The following TMEM260 variants were observed in gnomAD, a reference collection of about 807,000 sequenced individuals.
TMEM260 encodes protein O-mannosyl-transferase TMEM260.
Under a neutral mutation model 88.9 loss-of-function variants are expected in TMEM260, and 82 were observed. The observed-to-expected ratio is 0.92, with a 90% CI of 0.77 to 1.11. The LOEUF (loss-of-function observed/expected upper bound fraction) is 1.11, where lower values mean the gene tolerates loss of function less well. Among genes scored for constraint, TMEM260 ranks in the 50% least tolerant of loss-of-function variants. The pLI is 0.00. For missense variants in TMEM260, 902 were observed against 853.4 expected (o/e 1.06, Z -0.71); for synonymous variants, 314 against 309.3 (o/e 1.02, Z -0.16).
downstream of TMEM260, among the ~76,000 whole-genome samples, chr14:56,653,742 A>C (rs200335950): frequency 3.0e-5 from 2 of 65,802 alleles, no homozygotes; most frequent in African/African-American, 6.7e-5. Context: ...TCTCCAAAAC[A>C]AAAAAAAAAA....
intron 12 of TMEM260, among the ~76,000 whole-genome samples, chr14:56,631,592 C>T (rs926197296): frequency 6.8e-6 from 1 of 147,034 alleles, no homozygotes; most frequent in Admixed American, 6.9e-5. Flanking sequence ...CACTGCACTC[C>T]ATCCTGGGCT....
In TMEM260 at chr14:56,603,781, G is replaced by A. The variant is rs553010886; in HGVS notation, c.345-34G>A. On this transcript the variant is annotated intron_variant, in intron 3 of 15. Coordinates refer to ENST00000261556, the MANE Select transcript of TMEM260 (RefSeq NM_017799.4). ...GAAAATAAAGTTAGTTCTTTTTGTT[G>A]GAAAAGAAGATTTCATGTTATCTGT... 5.0e-6 allele frequency: 8 copies of A among 1,611,930 alleles called. No individual in the cohort carries two copies. In the East Asian group the frequency reaches 6.7e-5, roughly 13 times the overall value.
intron 15 of TMEM260, among the ~76,000 whole-genome samples, chr14:56,644,898 C>A (rs1174628908): frequency 6.6e-6 from 1 of 152,186 alleles, no homozygotes; most frequent in African/African-American, 2.4e-5. Context: ...AAAAGATGCT[C>A]ATCATCACTG....
At chr14:56,589,968 A>G (rs141727127) in intron 3 of TMEM260, among the ~76,000 whole-genome samples, 231 of 152,314 alleles carry the variant, frequency 1.5e-3, no homozygotes, top group Non-Finnish European at 2.7e-3. Context: ...GATTATTGCC[A>G]TAGAGAATAA....
intron 15 of TMEM260, among the ~76,000 whole-genome samples, chr14:56,644,411 C>T (rs533333708): frequency 2.0e-5 from 3 of 152,228 alleles, no homozygotes; most frequent in Non-Finnish European, 4.4e-5. Flanking sequence ...GGAAAGGATT[C>T]CCTATTTAAT....
chr14:56,587,364 A>G (rs1423715506), intron 3 of TMEM260, among the ~76,000 whole-genome samples: 3 of 151,992 alleles, frequency 2.0e-5, no homozygotes, highest in Non-Finnish European at 2.9e-5. Context: ...ATGTTTTTCA[A>G]CATTATTAAT....
chr14:56,646,273 A>C, intron 15 of TMEM260, among the ~76,000 whole-genome samples: 1 of 152,356 alleles, frequency 6.6e-6, no homozygotes, highest in Non-Finnish European at 1.5e-5. Context: ...GAATTGGAAA[A>C]ATAGATAATA....
the TMEM260 span, among the ~76,000 whole-genome samples, chr14:56,658,455 C>T: frequency 6.6e-6 from 1 of 151,894 alleles, no homozygotes; most frequent in African/African-American, 2.4e-5. Context: ...CCATGTTAGC[C>T]AGGCTGGTCT....
chr14:56,632,560 G>A (rs1025390664), intron 12 of TMEM260, among the ~76,000 whole-genome samples: 23 of 140,728 alleles, frequency 1.6e-4, no homozygotes, highest in African/African-American at 5.5e-4. Context: ...AAAATGGGGG[G>A]ACTTTTCTTG....
intron 12 of TMEM260, among the ~76,000 whole-genome samples, chr14:56,627,837 AC>A (rs949364407): frequency 2.0e-5 from 3 of 149,378 alleles, no homozygotes; most frequent in Non-Finnish European, 3.0e-5. Flanking sequence ...CATTTGTGTA[AC>A]CACCACAACA....
At chr14:56,652,372 C>T (rs1302068265), downstream of TMEM260, among the ~76,000 whole-genome samples, 2 of 151,948 alleles carry the variant, frequency 1.3e-5, no homozygotes, top group South Asian at 2.1e-4. Flanking sequence ...GTGGCATGCA[C>T]CTGTGGTTCC....
At chr14:56,655,224 T>C (rs1406892993), downstream of TMEM260, among the ~76,000 whole-genome samples, 1 of 151,992 alleles carries the variant, frequency 6.6e-6, no homozygotes, top group Non-Finnish European at 1.5e-5. Context: ...ACCCCGTCTC[T>C]ACTAAAAATA....
chr14:56,658,881 C>T, the TMEM260 span, among the ~76,000 whole-genome samples: 1 of 152,136 alleles, frequency 6.6e-6, no homozygotes, highest in East Asian at 1.9e-4. Flanking sequence ...CAGGCATGTG[C>T]CACCATGCCC....
chr14:56,591,896 A>G (rs1229344008), intron 3 of TMEM260, among the ~76,000 whole-genome samples: 2 of 152,220 alleles, frequency 1.3e-5, no homozygotes, highest in Non-Finnish European at 2.9e-5. Context: ...ATCATTTAAT[A>G]GCTAATGCAC....
At chr14:56,642,989 A>G (rs910601274) in intron 15 of TMEM260, among the ~76,000 whole-genome samples, 5 of 152,238 alleles carry the variant, frequency 3.3e-5, no homozygotes, top group Non-Finnish European at 7.3e-5. Flanking sequence ...TGAACAGACC[A>G]ATAACAGGCT....
At chr14:56,611,731 A>G (rs1887287799) in intron 6 of TMEM260, among the ~76,000 whole-genome samples, 1 of 152,242 alleles carries the variant, frequency 6.6e-6, no homozygotes, top group African/African-American at 2.4e-5. Context: ...CTAAAGATAC[A>G]TACACACGTA....
intron 5 of TMEM260, 24 bp downstream of exon 5, chr14:56,605,707 AAAAG>A (rs747958399): frequency 1.3e-5 from 18 of 1,392,368 alleles, no homozygotes; most frequent in Middle Eastern, 2.0e-4. Context: ...TTTTGTAAAA[AAAAG>A]TACAATATTT....
intron 3 of TMEM260, among the ~76,000 whole-genome samples, chr14:56,597,625 G>C (rs565210090): frequency 2.0e-5 from 3 of 152,176 alleles, no homozygotes; most frequent in Admixed American, 6.5e-5. Context: ...TGTGAGGTCA[G>C]ATGTTTTGAA....
intron 12 of TMEM260, among the ~76,000 whole-genome samples, chr14:56,630,815 T>C (rs1013093917): frequency 1.3e-5 from 2 of 152,140 alleles, no homozygotes; most frequent in South Asian, 4.1e-4. Context: ...AATGATGACT[T>C]TTTGGTCTGT....
Sources: allele counts gnomAD v4.1 joint callset (sites outside exome capture counted in the v4.1 genomes callset), GRCh38; gene constraint gnomAD v4.1.1; transcripts MANE v1.5; gene names NCBI Gene and HGNC (gene_info 2026-07-23, HGNC 2026-07-21).